Variants in PALM2AKAP2 observed in about 807,000 individuals in gnomAD.
PALM2AKAP2 encodes the protein PALM2-AKAP2 fusion protein.
A neutral mutation model predicts 71.5 loss-of-function variants in PALM2AKAP2; 37 were observed. The observed-to-expected ratio is 0.52, with a 90% CI of 0.40 to 0.68. The LOEUF is 0.68. Ranked by LOEUF, PALM2AKAP2 falls within the 30% of genes least tolerant of loss-of-function variation. The pLI is 0.00. For synonymous variants in PALM2AKAP2, 468 were observed against 478.8 expected (o/e 0.98, Z 0.29); for missense variants, 1,224 against 1,191.8 (o/e 1.03, Z -0.40).
chr9:109,888,727 A>AAG, intron 3 of PALM2AKAP2, among the ~76,000 whole-genome samples: 1 of 151,364 alleles, frequency 6.6e-6, no homozygotes, highest in East Asian at 1.9e-4. Flanking sequence ...AAAAAAAAAA[A>AAG]AAAAAGAATA....
exon 2 of PALM2AKAP2, chr9:110,137,089 A>ACAG (rs749737390): frequency 2.1e-5 from 33 of 1,584,230 alleles, no homozygotes; most frequent in South Asian, 4.5e-5. Context: ...AGAAGCAGTT[A>ACAG]CAGCAGCAGC....
intron 3 of PALM2AKAP2, among the ~76,000 whole-genome samples, chr9:109,913,556 A>T (rs1484645090): frequency 6.6e-6 from 1 of 151,028 alleles, no homozygotes; most frequent in Non-Finnish European, 1.5e-5. Flanking sequence ...GCAATTGCTC[A>T]TTTTTTTTTC....
At chr9:109,772,678 T>C (rs1239330553) in intron 1 of PALM2AKAP2, among the ~76,000 whole-genome samples, 2 of 151,958 alleles carry the variant, frequency 1.3e-5, no homozygotes, top group Non-Finnish European at 2.9e-5. Flanking sequence ...CATCAAGGAG[T>C]GAATGAGAGC....
chr9:109,744,107 C>G (rs1828760974), intron 1 of PALM2AKAP2, among the ~76,000 whole-genome samples: 1 of 152,010 alleles, frequency 6.6e-6, no homozygotes, highest in Non-Finnish European at 1.5e-5. Flanking sequence ...TTAGAGTCAA[C>G]AAATAACTGA....
At chr9:110,094,113 G>A (rs930709086) in intron 1 of PALM2AKAP2, among the ~76,000 whole-genome samples, 4 of 152,174 alleles carry the variant, frequency 2.6e-5, no homozygotes, top group African/African-American at 7.2e-5. Flanking sequence ...CAATAGCACC[G>A]CTGTTGAGAA....
chr9:110,138,030 C>T, exon 2 of PALM2AKAP2: 3 of 1,613,786 alleles, frequency 1.9e-6, no homozygotes, highest in Non-Finnish European at 2.5e-6. Context: ...AGGGATGGAG[C>T]AGAGCAACAG....
At position 110,105,288 on chromosome 9, in the gene PALM2AKAP2, T is replaced by A. The variant is rs541061489; in HGVS notation, c.157-30839T>A. Among the ~76,000 whole-genome samples, 10 of 152,356 alleles carry A rather than the reference T, an allele frequency of 6.6e-5. No homozygotes were observed. In the East Asian group the frequency reaches 1.3e-3, roughly 21 times the overall value. ...GAGCATGCAGAGTGAACTTGTGACA[T>A]AATACATTCCTTGAAGCTCCCACGT... On this transcript the variant is annotated intron_variant, in intron 1 of 3. Coordinates refer to ENST00000374525, the Ensembl canonical transcript of PALM2AKAP2.
At chr9:109,780,478 C>G (rs747227265) in exon 1 of PALM2AKAP2, 3 of 1,613,296 alleles carry the variant, frequency 1.9e-6, no homozygotes, top group East Asian at 4.5e-5. Context: ...GCCTGTGTGC[C>G]CTTCTCCAGG....
At chr9:110,089,699 C>T (rs1293774883) in intron 1 of PALM2AKAP2, among the ~76,000 whole-genome samples, 2 of 152,214 alleles carry the variant, frequency 1.3e-5, no homozygotes, top group East Asian at 1.9e-4. Context: ...ACAAGATGCT[C>T]ATCCCTTTTT....
At chr9:109,690,539 A>G (rs189113005) in intron 1 of PALM2AKAP2, among the ~76,000 whole-genome samples, 60 of 152,208 alleles carry the variant, frequency 3.9e-4, no homozygotes, top group Middle Eastern at 3.2e-3. Flanking sequence ...GCTTAATACT[A>G]TGCAATCAGG....
chr9:109,835,215 G>GTAGGGAAAGAGGAGAGGGTT (rs750367538), intron 1 of PALM2AKAP2, among the ~76,000 whole-genome samples: 8,305 of 132,378 alleles, frequency 0.063, 642 homozygotes, highest in East Asian at 0.28. Context: ...AGGGGAGGGT[G>GTAGGGAAAGAGGAGAGGGTT]TAGGGAAAGA....
chr9:109,922,917 T>TC (rs1373041596), intron 3 of PALM2AKAP2, among the ~76,000 whole-genome samples: 1 of 152,212 alleles, frequency 6.6e-6, no homozygotes, highest in Admixed American at 6.5e-5. Context: ...AAAATGGGGA[T>TC]TCCCTACTCA....
chr9:109,692,110 C>T (rs1214713568), intron 1 of PALM2AKAP2, among the ~76,000 whole-genome samples: 1 of 150,418 alleles, frequency 6.6e-6, no homozygotes, highest in Non-Finnish European at 1.5e-5. Context: ...ATATAATTCA[C>T]ACATGATAAA....
chr9:109,696,686 G>T (rs1827974861), intron 1 of PALM2AKAP2, among the ~76,000 whole-genome samples: 1 of 152,082 alleles, frequency 6.6e-6, no homozygotes, highest in African/African-American at 2.4e-5. Flanking sequence ...ATCCAATGTG[G>T]TGTTCCACCT....
chr9:110,151,345 C>G (rs1194647078), intron 2 of PALM2AKAP2, among the ~76,000 whole-genome samples: 1 of 152,188 alleles, frequency 6.6e-6, no homozygotes, highest in Non-Finnish European at 1.5e-5. Flanking sequence ...GCCTCTGCAC[C>G]TGGCTTTTTT....
At chr9:109,644,686 T>C (rs576148910) in intron 1 of PALM2AKAP2, among the ~76,000 whole-genome samples, 2 of 152,316 alleles carry the variant, frequency 1.3e-5, no homozygotes, top group African/African-American at 4.8e-5. Context: ...AGTCACCTCT[T>C]GAATGCTTTG....
chr9:110,035,711 TATAACATATATA>T (rs1833389267), intron 7 of PALM2AKAP2, among the ~76,000 whole-genome samples: 1 of 126,294 alleles, frequency 7.9e-6, no homozygotes, highest in African/African-American at 3.0e-5. Flanking sequence ...GTGTGTTATA[TATAACATATATA>T]GGATATGTTG....
At chr9:109,880,604 C>A in exon 3 of PALM2AKAP2, 1 of 1,613,658 alleles carries the variant, frequency 6.2e-7, no homozygotes, top group Non-Finnish European at 8.5e-7. Flanking sequence ...CTGGAACTGC[C>A]GAAGAGGAGG....
intron 1 of PALM2AKAP2, among the ~76,000 whole-genome samples, chr9:109,720,486 A>G (rs1468294980): frequency 3.9e-5 from 6 of 152,176 alleles, no homozygotes; most frequent in African/African-American, 7.2e-5. Context: ...TGGGCTGCAG[A>G]GAGTTTTGGA....
Sources: gnomAD v4.1 joint callset for allele counts (sites outside exome capture counted in the v4.1 genomes callset) on GRCh38, gnomAD v4.1.1 for gene constraint, MANE v1.5 for transcripts, NCBI Gene and HGNC (gene_info 2026-07-23, HGNC 2026-07-21) for gene names.